The following DLC1 variants were observed in gnomAD, a reference collection of about 807,000 sequenced individuals.
The protein encoded by DLC1 is rho GTPase-activating protein 7.
A neutral mutation model predicts 140.3 loss-of-function variants in DLC1; 54 were observed. The observed-to-expected ratio is 0.38, with a 90% CI of 0.31 to 0.48. The LOEUF (loss-of-function observed/expected upper bound fraction) is 0.48, where lower values mean the gene tolerates loss of function less well. Ranked by LOEUF, DLC1 falls within the 20% of genes least tolerant of loss-of-function variation. The pLI is 0.96. For synonymous variants in DLC1, 986 were observed against 728.1 expected (o/e 1.35, Z -5.70); for missense variants, 2,536 against 1,907.0 (o/e 1.33, Z -6.14).
Position 13,090,613 on chromosome 8 carries a change from G to A in DLC1, c.3856-143C>T, listed in dbSNP as rs1817975872. On this transcript the variant is annotated intron_variant, in intron 14 of 17. Transcript: ENST00000276297. The stretch of plus-strand genomic sequence containing the variant: ...CTTCCCGCCGGAGGTGGGCTATCAT[G>A]CTGACCGCACGTGTTATCACGAGGA... 5 of 829,770 alleles carry A rather than the reference G, an allele frequency of 6.0e-6. No individual in the cohort carries two copies. In the South Asian group the frequency reaches 7.1e-5, roughly 12 times the overall value. 51.4% of individuals were successfully genotyped at this position (829,770 alleles called of 1,614,324 possible).
At chr8:13,086,031 T>C in intron 17 of DLC1, 100 bp from the exon 18 acceptor site, 4 of 1,516,076 alleles carry the variant, frequency 2.6e-6, no homozygotes, top group Non-Finnish European at 3.5e-6. Context: ...GCATAAAATC[T>C]ATCATTTCCC....
intron 4 of DLC1, among the ~76,000 whole-genome samples, chr8:13,317,529 T>C (rs1366541775): frequency 1.3e-5 from 2 of 152,084 alleles, no homozygotes; most frequent in African/African-American, 4.8e-5. Flanking sequence ...GGAAATAAAT[T>C]CGAATTCTAG....
intron 5 of DLC1, among the ~76,000 whole-genome samples, chr8:13,259,767 C>T (rs1429123214): frequency 6.6e-6 from 1 of 151,290 alleles, no homozygotes; most frequent in Non-Finnish European, 1.5e-5. Flanking sequence ...AGGGTGCATA[C>T]CAGCACTATA....
At chr8:13,412,790 G>T (rs1462650001) in intron 2 of DLC1, among the ~76,000 whole-genome samples, 1 of 151,942 alleles carries the variant, frequency 6.6e-6, no homozygotes, top group Non-Finnish European at 1.5e-5. Context: ...AAATTAGCCG[G>T]GTGTGGTGGT....
At chr8:13,215,496 G>T (rs111558493) in intron 5 of DLC1, among the ~76,000 whole-genome samples, 1 of 152,120 alleles carries the variant, frequency 6.6e-6, no homozygotes, top group South Asian at 2.1e-4. Flanking sequence ...TGAGGCAGCA[G>T]GATCACTTGA....
chr8:13,281,479 G>T (rs867652307), intron 5 of DLC1, among the ~76,000 whole-genome samples: 2 of 152,160 alleles, frequency 1.3e-5, no homozygotes, highest in African/African-American at 4.8e-5. Context: ...CTGTATCTAC[G>T]CATATAGTTC....
chr8:13,417,567 T>A (rs1044695376), intron 2 of DLC1, among the ~76,000 whole-genome samples: 2 of 151,836 alleles, frequency 1.3e-5, no homozygotes, highest in African/African-American at 4.9e-5. Flanking sequence ...TGCATAGTAT[T>A]CCATGGTGTA....
At chr8:13,309,336 C>G (rs911928800) in intron 4 of DLC1, among the ~76,000 whole-genome samples, 1 of 152,016 alleles carries the variant, frequency 6.6e-6, no homozygotes, top group Non-Finnish European at 1.5e-5. Flanking sequence ...TTTTTCTTCT[C>G]TAGGATATTT....
intron 14 of DLC1, 87 bp downstream of exon 14, chr8:13,091,231 G>C (rs1367563522): frequency 1.7e-5 from 22 of 1,298,784 alleles, no homozygotes; most frequent in Non-Finnish European, 2.2e-5. Context: ...AAGGTCTTCA[G>C]GTAAGACATG....
At chr8:13,138,444 C>A (rs963557808) in intron 5 of DLC1, among the ~76,000 whole-genome samples, 16 of 152,136 alleles carry the variant, frequency 1.1e-4, no homozygotes, top group African/African-American at 3.9e-4. Flanking sequence ...CAGTTTAAAC[C>A]TCTGCTCTAG....
chr8:13,361,103 G>A (rs1835204617), intron 4 of DLC1, among the ~76,000 whole-genome samples: 1 of 151,748 alleles, frequency 6.6e-6, no homozygotes, highest in Admixed American at 6.6e-5. Context: ...GTGTTGGCAT[G>A]TGCCTGTAGT....
At chr8:13,170,884 C>A (rs1189187463) in intron 5 of DLC1, among the ~76,000 whole-genome samples, 1 of 152,034 alleles carries the variant, frequency 6.6e-6, no homozygotes, top group Non-Finnish European at 1.5e-5. Context: ...GGGCTTTTAA[C>A]CTGGGTAGTT....
At chr8:13,287,643 A>G (rs894942690) in intron 5 of DLC1, among the ~76,000 whole-genome samples, 1 of 152,190 alleles carries the variant, frequency 6.6e-6, no homozygotes, top group African/African-American at 2.4e-5. Context: ...TAACATTTCA[A>G]TTGGAAATTG....
intron 5 of DLC1, among the ~76,000 whole-genome samples, chr8:13,300,285 A>G (rs991798658): frequency 9.2e-5 from 14 of 152,054 alleles, no homozygotes; most frequent in Non-Finnish European, 2.1e-4. Context: ...TTTTTTGGGG[A>G]GGATGGTGTG....
At chr8:13,513,809 T>C (rs533606301) in intron 1 of DLC1, among the ~76,000 whole-genome samples, 13 of 152,292 alleles carry the variant, frequency 8.5e-5, no homozygotes, top group African/African-American at 2.9e-4. Context: ...ACAAACAGTT[T>C]CCATATGACT....
rs183850136 is a variant in DLC1 at position 13,258,512 on chromosome 8, A to G, written c.1348+46757T>C. 6.6e-5 allele frequency among the ~76,000 whole-genome samples: 10 copies of G among 152,276 alleles called. No individual in the cohort carries two copies. In the East Asian group the frequency reaches 9.6e-4, roughly 15 times the overall value. Reference sequence around the variant, plus strand: ...AACCCTCTAAGGTTACAAGAACACAATGGACTTTGGATTGGGGGGAATTAA... The same window carrying G: ...AACCCTCTAAGGTTACAAGAACACAGTGGACTTTGGATTGGGGGGAATTAA... On this transcript the variant is annotated intron_variant, in intron 5 of 17. Coordinates refer to ENST00000276297, the MANE Select transcript of DLC1 (RefSeq NM_182643.3).
chr8:13,202,818 C>T (rs1827465386), intron 5 of DLC1, among the ~76,000 whole-genome samples: 1 of 151,992 alleles, frequency 6.6e-6, no homozygotes, highest in African/African-American at 2.4e-5. Flanking sequence ...GGACTACAGG[C>T]ATGCACCTCT....
At chr8:13,456,001 T>C (rs1799369712) in intron 2 of DLC1, among the ~76,000 whole-genome samples, 1 of 152,252 alleles carries the variant, frequency 6.6e-6, no homozygotes, top group Non-Finnish European at 1.5e-5. Context: ...CATTTGTTCA[T>C]TTGCTAATTC....
At chr8:13,578,361 T>A (rs370649859) in intron 1 of DLC1, among the ~76,000 whole-genome samples, 96 of 152,280 alleles carry the variant, frequency 6.3e-4, no homozygotes, top group African/African-American at 2.3e-3. Flanking sequence ...TCTTACACAG[T>A]CACTCAACAT....
Sources: allele counts gnomAD v4.1 joint callset (sites outside exome capture counted in the v4.1 genomes callset), GRCh38; gene constraint gnomAD v4.1.1; transcripts MANE v1.5; gene names NCBI Gene and HGNC (gene_info 2026-07-23, HGNC 2026-07-21).